MAPRE2: variants seen among roughly 807,000 people sequenced by gnomAD.
MAPRE2 encodes microtubule associated protein RP/EB family member 2.
A neutral mutation model predicts 43.2 loss-of-function variants in MAPRE2; 13 were observed. The ratio of observed to expected loss-of-function variants is 0.30; its 90% CI spans 0.20 to 0.48. The LOEUF is 0.48. MAPRE2 is among the 20% of genes least tolerant of loss of function. MAPRE2 has a pLI of 0.99. For synonymous variants in MAPRE2, 135 were observed against 148.8 expected, an observed-to-expected ratio of 0.91 and a Z score of 0.68; for missense variants, 161 against 400.2, an observed-to-expected ratio of 0.40 and a Z score of 5.10.
Position 35,135,199 on chromosome 18 carries a change from G to A in MAPRE2, c.909+3009G>A, listed in dbSNP as rs184099919. Among the ~76,000 whole-genome samples the A allele has an allele frequency of 2.9e-4, 44 of 152,292 alleles. 1 individual carries two copies. The highest frequency in any genetic ancestry group is 3.4e-3 in the Middle Eastern group (1 of 294). On this transcript the variant is annotated intron_variant, in intron 6 of 6. Coordinates refer to ENST00000300249, the MANE Select transcript of MAPRE2 (RefSeq NM_014268.4). ...CTGAGTTTTCTACAGAGAGTAAGCC[G>A]TTTGATCTGGAATATGCCAGGTGTC...
rs562350321 is a variant in MAPRE2 at position 35,059,893 on chromosome 18, C to T, written c.123-10302C>T. Among the ~76,000 whole-genome samples the T allele has an allele frequency of 3.9e-5, 6 of 152,228 alleles. No homozygotes were observed. The South Asian group carries it at 6.2e-4, about 16-fold the overall frequency. On this transcript the variant is annotated intron_variant, in intron 1 of 6. Coordinates refer to ENST00000300249, the MANE Select transcript of MAPRE2 (RefSeq NM_014268.4). ...GAGAAGATTTAGAAAAAGCAGACAC[C>T]GAAGTACCTGAGAAGGAACTAGCAC...
intron 1 of MAPRE2, among the ~76,000 whole-genome samples, chr18:35,053,267 G>T (rs1369661908): frequency 2.6e-5 from 4 of 152,102 alleles, no homozygotes; most frequent in Non-Finnish European, 5.9e-5. Flanking sequence ...GGTGGCACTT[G>T]CCTGTAATCC....
intron 1 of MAPRE2, among the ~76,000 whole-genome samples, chr18:34,990,535 T>C (rs632978): frequency 0.88 from 133,609 of 152,164 alleles, 58,717 homozygotes; most frequent in East Asian, 0.97. Flanking sequence ...TTTAGAAAAA[T>C]CCACACTTCT....
At chr18:35,110,028 AAT>A (rs1031908017) in intron 4 of MAPRE2, among the ~76,000 whole-genome samples, 254 of 152,238 alleles carry the variant, frequency 1.7e-3, no homozygotes, top group African/African-American at 5.9e-3. Context: ...TAAGGATTAC[AAT>A]ATATATTCTT....
At chr18:35,014,289 C>T (rs1430925233) in intron 2 of MAPRE2, among the ~76,000 whole-genome samples, 1 of 151,732 alleles carries the variant, frequency 6.6e-6, no homozygotes. Context: ...ATGACGGAAC[C>T]CAAACTAGGG....
chr18:35,116,830 G>T (rs925443583), intron 4 of MAPRE2, among the ~76,000 whole-genome samples: 1 of 152,164 alleles, frequency 6.6e-6, no homozygotes, highest in Non-Finnish European at 1.5e-5. Context: ...CACTCAAGGG[G>T]AGGCTATCAT....
rs567540041 is a variant in MAPRE2, at chr18:35,030,934, A to T, written c.-8+25381A>T. On this transcript the variant is annotated intron_variant, in intron 2 of 7. Transcript: ENST00000413393. ...GGCCTTTGCACTTTCTGTTGGCTCT[A>T]CCTGAAATATTCTTCTGATATCACA... 3.3e-5 allele frequency among the ~76,000 whole-genome samples: 5 copies of T among 152,256 alleles called. No individual in the cohort carries two copies. In the East Asian group the frequency reaches 9.7e-4, roughly 29 times the overall value.
chr18:35,125,774 A>G (rs1490975597), intron 4 of MAPRE2, among the ~76,000 whole-genome samples: 3 of 152,244 alleles, frequency 2.0e-5, no homozygotes, highest in South Asian at 2.1e-4. Context: ...GTGAGAGTCT[A>G]TTGTGACCTG....
chr18:35,091,633 C>G (rs1009764992), intron 2 of MAPRE2, among the ~76,000 whole-genome samples: 1 of 152,024 alleles, frequency 6.6e-6, no homozygotes, highest in Non-Finnish European at 1.5e-5. Flanking sequence ...AAGAACAATG[C>G]TGGAGGGGAC....
intron 1 of MAPRE2, among the ~76,000 whole-genome samples, chr18:35,055,076 A>G (rs984246361): frequency 3.3e-5 from 5 of 152,216 alleles, no homozygotes; most frequent in Admixed American, 6.5e-5. Flanking sequence ...AAATGTACCA[A>G]TGTTAACAGA....
At chr18:35,038,212 TC>T (rs1447242474), upstream of MAPRE2, among the ~76,000 whole-genome samples, 1 of 152,140 alleles carries the variant, frequency 6.6e-6, no homozygotes, top group African/African-American at 2.4e-5. Context: ...ACCACCACCA[TC>T]ACAAACTCAG....
At chr18:35,054,886 T>G (rs550286413) in intron 1 of MAPRE2, among the ~76,000 whole-genome samples, 82 of 152,312 alleles carry the variant, frequency 5.4e-4, no homozygotes, top group African/African-American at 1.9e-3. Context: ...CGCAATGAAG[T>G]GACCGTCAGT....
intron 4 of MAPRE2, among the ~76,000 whole-genome samples, chr18:35,106,142 A>C (rs1463944267): frequency 6.6e-6 from 1 of 152,190 alleles, no homozygotes; most frequent in Non-Finnish European, 1.5e-5. Flanking sequence ...CAGTGTTGCC[A>C]GGTCACTAAC....
Position 35,102,061 on chromosome 18 carries a change from A to G in MAPRE2, c.512A>G (p.Glu171Gly), listed in dbSNP as rs777234105. Residue 171 changes from glutamate (E) to glycine (G), a missense_variant, in exon 4 of 7, where the codon GAG becomes GGG. This residue lies in a region of MAPRE2 where 65 missense variants were observed against 246.9 expected (regional missense o/e 0.26). Coordinates refer to ENST00000300249, the MANE Select transcript of MAPRE2 (RefSeq NM_014268.4). Reference sequence around the variant, plus strand: ...GATGGGAAGGAGTATGATCCTGTAGAGGCACGACAAGGGCAAGATGCAATT... The same window carrying G: ...GATGGGAAGGAGTATGATCCTGTAGGGGCACGACAAGGGCAAGATGCAATT... ...NYDGKEYDPV[E>G]ARQGQDAIPP... 1.2e-6 allele frequency: 2 copies of G among 1,613,060 alleles called. No homozygotes were observed. Among genetic ancestry groups the G allele is most frequent in the Admixed American group, 3.3e-5 (2 of 59,882 alleles).
intron 1 of MAPRE2, chr18:34,978,170 C>A (rs2097014210): frequency 2.7e-6 from 1 of 365,706 alleles, no homozygotes; most frequent in Non-Finnish European, 5.0e-6. Flanking sequence ...CACTGCTGTC[C>A]CCTCCCTGAT....
chr18:35,126,244 T>C (rs954748439), intron 4 of MAPRE2, among the ~76,000 whole-genome samples: 1 of 152,252 alleles, frequency 6.6e-6, no homozygotes, highest in South Asian at 2.1e-4. Context: ...CTTCCTGATA[T>C]TCAGCTGTCC....
chr18:35,085,021 A>G (rs975571336), intron 2 of MAPRE2, among the ~76,000 whole-genome samples: 2 of 152,332 alleles, frequency 1.3e-5, no homozygotes, highest in Admixed American at 6.5e-5. Context: ...GCCTATGAAA[A>G]CAACAAAAAG....
chr18:34,987,340 C>CTAAAA (rs2097021564), intron 1 of MAPRE2, among the ~76,000 whole-genome samples: 1 of 152,162 alleles, frequency 6.6e-6, no homozygotes, highest in Non-Finnish European at 1.5e-5. Context: ...CTAGGAGTGT[C>CTAAAA]TTAAAATGCA....
At chr18:34,998,772 ATTTTTTTTTTTTTT>A (rs67933808) in intron 1 of MAPRE2, among the ~76,000 whole-genome samples, 13 of 93,732 alleles carry the variant, frequency 1.4e-4, no homozygotes, top group African/African-American at 3.0e-4. Context: ...CGAAGTTGCA[ATTTTTTTTTTTTTT>A]TTTTTTTTTT....
Sources: gnomAD v4.1 joint callset for allele counts (sites outside exome capture counted in the v4.1 genomes callset) on GRCh38, gnomAD v4.1.1 for gene constraint, gnomAD v4.1.1 regional missense constraint, MANE v1.5 for transcripts, NCBI Gene and HGNC (gene_info 2026-07-23, HGNC 2026-07-21) for gene names.